The following ROBO1 variants were observed in gnomAD, a reference collection of about 807,000 sequenced individuals.
ROBO1 encodes the protein roundabout homolog 1.
ROBO1 carries 149 observed loss-of-function variants against 195.9 expected under a neutral mutation model. The ratio of observed to expected loss-of-function variants is 0.76; its 90% CI spans 0.67 to 0.87. The LOEUF (loss-of-function observed/expected upper bound fraction) is 0.87. Among genes scored for constraint, ROBO1 ranks in the 40% least tolerant of loss-of-function variants. ROBO1 has a pLI of 0.00. For synonymous variants in ROBO1, 816 were observed against 733.2 expected, an observed-to-expected ratio of 1.11 and a Z score of -1.82; for missense variants, 1,933 against 2,068.3, an observed-to-expected ratio of 0.93 and a Z score of 1.27.
intron 2 of ROBO1, among the ~76,000 whole-genome samples, chr3:79,299,910 G>A (rs375956399): frequency 1.2e-4 from 18 of 150,658 alleles, no homozygotes; most frequent in African/African-American, 4.1e-4. Flanking sequence ...CAAACTTTCA[G>A]AATATTAACG....
At chr3:79,725,934 G>A (rs7618813) in intron 1 of ROBO1, among the ~76,000 whole-genome samples, 90,350 of 148,758 alleles carry the variant, frequency 0.61, 27,714 homozygotes, top group East Asian at 0.9. Flanking sequence ...AAAAAAAAAA[G>A]TATATCTGGC....
chr3:79,045,303 AAC>A (rs1311965021), intron 3 of ROBO1, among the ~76,000 whole-genome samples: 4 of 152,102 alleles, frequency 2.6e-5, no homozygotes, highest in Non-Finnish European at 5.9e-5. Flanking sequence ...TTTTAGCACG[AAC>A]ACCAAATAAT....
At chr3:78,879,226 T>G (rs1419139278) in intron 4 of ROBO1, among the ~76,000 whole-genome samples, 1 of 152,192 alleles carries the variant, frequency 6.6e-6, no homozygotes, top group Admixed American at 6.5e-5. Context: ...ACAATGATAT[T>G]ACACGCAGGG....
intron 4 of ROBO1, among the ~76,000 whole-genome samples, chr3:78,820,714 G>A (rs905309269): frequency 6.6e-6 from 1 of 152,138 alleles, no homozygotes; most frequent in African/African-American, 2.4e-5. Flanking sequence ...GCTAGTCCGA[G>A]AAGCCTCACA....
chr3:79,160,354 T>TA (rs1258316261), intron 2 of ROBO1, among the ~76,000 whole-genome samples: 3 of 151,986 alleles, frequency 2.0e-5, no homozygotes, highest in Non-Finnish European at 2.9e-5. Flanking sequence ...AGGCTTTCTT[T>TA]AAAAATCCTT....
intron 2 of ROBO1, among the ~76,000 whole-genome samples, chr3:79,328,770 C>A (rs1382517885): frequency 6.6e-6 from 1 of 151,952 alleles, no homozygotes; most frequent in Non-Finnish European, 1.5e-5. Context: ...TTATCCCTCA[C>A]CCTCTCCCAC....
chr3:78,601,308 C>T (rs774395337), intron 29 of ROBO1, among the ~76,000 whole-genome samples: 1 of 152,158 alleles, frequency 6.6e-6, no homozygotes, highest in Non-Finnish European at 1.5e-5. Context: ...TATTGCTCCT[C>T]TATCCTTGCA....
rs1000518417 is a variant in ROBO1, at chr3:78,657,040, A to G, written c.2614+58T>C. 6 of 1,478,830 alleles carry G rather than the reference A, an allele frequency of 4.1e-6. No individual in the cohort carries two copies. The African/African-American group carries it at 8.5e-5, about 21-fold the overall frequency. 91.6% of individuals were successfully genotyped at this position (1,478,830 alleles called of 1,614,324 possible). A position where few individuals can be genotyped will look rare whatever the true frequency, so the allele number is the denominator to read the frequency against. On this transcript the variant is annotated intron_variant, in intron 18 of 30. Coordinates refer to ENST00000464233, the MANE Select transcript of ROBO1 (RefSeq NM_002941.4). ...GTGGCTCAGCCACATGCAAAAAAGCAAAGTGGGACACATGGTAGAGTGAGA... is the reference window on the plus strand; with the variant it reads ...GTGGCTCAGCCACATGCAAAAAAGCGAAGTGGGACACATGGTAGAGTGAGA...
chr3:79,035,006 T>C (rs2078358251), intron 3 of ROBO1, among the ~76,000 whole-genome samples: 1 of 152,124 alleles, frequency 6.6e-6, no homozygotes, highest in African/African-American at 2.4e-5. Context: ...ATGTGTTACT[T>C]TTAGAATAAA....
intron 2 of ROBO1, among the ~76,000 whole-genome samples, chr3:79,578,670 A>C (rs2107780071): frequency 6.6e-6 from 1 of 152,326 alleles, no homozygotes; most frequent in African/African-American, 2.4e-5. Flanking sequence ...GAAAAAATGT[A>C]TACAGCTGCC....
At chr3:79,194,125 A>C (rs773487988) in intron 2 of ROBO1, among the ~76,000 whole-genome samples, 1 of 151,742 alleles carries the variant, frequency 6.6e-6, no homozygotes, top group Non-Finnish European at 1.5e-5. Flanking sequence ...CCTAATCTGG[A>C]AAGTAAATAT....
At chr3:78,935,121 C>A (rs1013707761) in intron 4 of ROBO1, among the ~76,000 whole-genome samples, 4 of 151,996 alleles carry the variant, frequency 2.6e-5, no homozygotes, top group Admixed American at 6.6e-5. Flanking sequence ...AAAATGCATA[C>A]ATTTTAGTTC....
intron 4 of ROBO1, among the ~76,000 whole-genome samples, chr3:78,819,601 T>G (rs1355104487): frequency 6.6e-6 from 1 of 152,174 alleles, no homozygotes; most frequent in Non-Finnish European, 1.5e-5. Flanking sequence ...AAATCAAGTT[T>G]TATGTCTGTG....
chr3:79,714,294 A>G (rs1006252203), intron 1 of ROBO1, among the ~76,000 whole-genome samples: 2 of 152,212 alleles, frequency 1.3e-5, no homozygotes, highest in Non-Finnish European at 2.9e-5. Flanking sequence ...CAAAACCACA[A>G]TGAGATACCA....
intron 2 of ROBO1, among the ~76,000 whole-genome samples, chr3:79,180,197 C>T (rs965694713): frequency 2.0e-5 from 3 of 152,132 alleles, no homozygotes; most frequent in South Asian, 2.1e-4. Context: ...CATACAAGGT[C>T]GTTGTATCTG....
At chr3:79,578,763 G>A (rs2107780430) in intron 2 of ROBO1, among the ~76,000 whole-genome samples, 1 of 152,184 alleles carries the variant, frequency 6.6e-6, no homozygotes, top group Non-Finnish European at 1.5e-5. Flanking sequence ...GAATTTGCTT[G>A]GTTTTCTAAT....
intron 3 of ROBO1, among the ~76,000 whole-genome samples, chr3:79,098,218 T>A (rs2079606832): frequency 6.6e-6 from 1 of 151,876 alleles, no homozygotes; most frequent in Non-Finnish European, 1.5e-5. Flanking sequence ...TGTGGACAGA[T>A]CAATATGTAA....
At chr3:79,008,888 C>CGTGTGTGTGTGTGTGTGT (rs375134341) in intron 3 of ROBO1, among the ~76,000 whole-genome samples, 23 of 121,276 alleles carry the variant, frequency 1.9e-4, no homozygotes, top group Admixed American at 5.3e-4. Flanking sequence ...TGCACCCAGC[C>CGTGTGTGTGTGTGTGTGT]GTGTGTGTGT....
Position 78,746,893 on chromosome 3 carries a change from C to A in ROBO1, c.507G>T (p.Arg169=). 2 of 1,561,116 alleles carry A rather than the reference C, an allele frequency of 1.3e-6. No individual in the cohort carries two copies. Among genetic ancestry groups the A allele is most frequent in the Non-Finnish European group, 1.7e-6 (2 of 1,146,748 alleles). Reference sequence around the variant, plus strand: ...CCGAAGGGTTTTGTCTGAAGTCATCCCGAAGTACTGTAGGAACAAGATTAA... The same window carrying A: ...CCGAAGGGTTTTGTCTGAAGTCATCACGAAGTACTGTAGGAACAAGATTAA... ...HNASLEVAIL[R]DDFRQNPSDV... is the part of the protein sequence containing the mutation. Residue 169 remains arginine (R), a synonymous_variant, in exon 5 of 31, where the codon CGG becomes CGT. Transcript: ENST00000464233.
Sources: gnomAD v4.1 joint callset for allele counts (sites outside exome capture counted in the v4.1 genomes callset) on GRCh38, gnomAD v4.1.1 for gene constraint, MANE v1.5 for transcripts, NCBI Gene and HGNC (gene_info 2026-07-23, HGNC 2026-07-21) for gene names.